SLC9A8: variants seen among roughly 807,000 people sequenced by gnomAD.
SLC9A8 encodes solute carrier family 9 member A8.
A neutral mutation model predicts 66.6 loss-of-function variants in SLC9A8; 48 were observed. The ratio of observed to expected loss-of-function variants is 0.72; its 90% CI spans 0.57 to 0.92. The LOEUF (loss-of-function observed/expected upper bound fraction) is 0.92, where lower values mean the gene tolerates loss of function less well. Ranked by LOEUF, SLC9A8 falls within the 40% of genes least tolerant of loss-of-function variation. The pLI is 0.00. For missense variants in SLC9A8, 599 were observed against 747.3 expected (o/e 0.80, Z 2.31); for synonymous variants, 274 against 282.6 (o/e 0.97, Z 0.31).
chr20:49,874,312 G>T (rs750802725), intron 10 of SLC9A8, among the ~76,000 whole-genome samples: 5 of 152,114 alleles, frequency 3.3e-5, no homozygotes, highest in Non-Finnish European at 5.9e-5. Flanking sequence ...ATAGCCACAG[G>T]TTCCACATCT....
intron 8 of SLC9A8, among the ~76,000 whole-genome samples, chr20:49,857,925 C>A (rs2088570470): frequency 6.6e-6 from 1 of 152,110 alleles, no homozygotes; most frequent in African/African-American, 2.4e-5. Context: ...AAAAAACAAC[C>A]AAACTTATAA....
At chr20:49,839,650 C>G in intron 4 of SLC9A8, 51 bp downstream of exon 4, 5 of 1,217,036 alleles carry the variant, frequency 4.1e-6, no homozygotes, top group Non-Finnish European at 5.9e-6. Context: ...GATCATTATG[C>G]TGGCTTTTTT....
In SLC9A8 at chr20:49,888,007, G is replaced by T; in HGVS notation, c.*71G>T. 8.2e-7 allele frequency: 1 copy of T among 1,219,364 alleles called. No individual in the cohort carries two copies. The allele number at this position is 1,219,364 out of a possible 1,614,324, so 75.5% of individuals were successfully genotyped here. A position where few individuals can be genotyped will look rare whatever the true frequency, so the allele number is the denominator to read the frequency against. On this transcript the variant is annotated 3_prime_UTR_variant, in exon 16 of 16. Transcript: ENST00000361573. ...TGCTGCGCACAGACACTCAGCAGGG[G>T]CCTCGCAGAGATGCGTGCATCCAGC... is the stretch of plus-strand genomic sequence containing the variant.
intron 2 of SLC9A8, among the ~76,000 whole-genome samples, chr20:49,816,908 T>G (rs1296954872): frequency 6.6e-6 from 1 of 151,872 alleles, no homozygotes; most frequent in Non-Finnish European, 1.5e-5. Context: ...TTTTGTATTT[T>G]TAGTAGAGTT....
chr20:49,833,022 C>T (rs1177832956), intron 3 of SLC9A8, among the ~76,000 whole-genome samples: 1 of 152,100 alleles, frequency 6.6e-6, no homozygotes, highest in Non-Finnish European at 1.5e-5. Context: ...TCTCCCACCT[C>T]AGCCTCCCAA....
intron 7 of SLC9A8, 21 bp from the exon 8 acceptor site, chr20:49,855,417 C>T (rs373159401): frequency 6.2e-7 from 1 of 1,611,940 alleles, no homozygotes; most frequent in African/African-American, 1.3e-5. Flanking sequence ...CAGAATCTCC[C>T]CTTCCCTCTG....
chr20:49,873,157 T>C (rs2089279363), intron 10 of SLC9A8, among the ~76,000 whole-genome samples: 1 of 152,054 alleles, frequency 6.6e-6, no homozygotes, highest in African/African-American at 2.4e-5. Context: ...AAATTCAAAG[T>C]TAAGGAAAAG....
intron 4 of SLC9A8, 107 bp downstream of exon 4, chr20:49,839,706 A>G (rs1423907352): frequency 5.1e-6 from 3 of 587,822 alleles, no homozygotes; most frequent in Admixed American, 6.5e-5. Flanking sequence ...ATTATGTTAT[A>G]TATCCCATTA....
chr20:49,841,067 G>A (rs2087737022), intron 4 of SLC9A8, among the ~76,000 whole-genome samples: 1 of 152,156 alleles, frequency 6.6e-6, no homozygotes, highest in Admixed American at 6.5e-5. Context: ...AATTTTGAGA[G>A]GCTGAGTCAC....
chr20:49,865,947 C>A (rs1555841381), intron 10 of SLC9A8, among the ~76,000 whole-genome samples: 1 of 152,180 alleles, frequency 6.6e-6, no homozygotes, highest in Non-Finnish European at 1.5e-5. Context: ...CAGAGATTTT[C>A]TTTTTTATTA....
At chr20:49,831,786 GAA>G (rs950738463) in intron 3 of SLC9A8, among the ~76,000 whole-genome samples, 1 of 152,222 alleles carries the variant, frequency 6.6e-6, no homozygotes, top group African/African-American at 2.4e-5. Context: ...TTTGTGAACT[GAA>G]AAGAGACTGG....
rs2089948547 is a variant in SLC9A8, at chr20:49,887,896, G to A, written c.1706G>A (p.Gly569Asp). Residue 569 changes from glycine (G) to aspartate (D), a missense_variant, in exon 16 of 16, where the codon GGC becomes GAC. Gly to Asp is a moderately conservative substitution (Grantham distance 94). This residue lies in a region of SLC9A8 where 467 missense variants were observed against 626.5 expected (regional missense o/e 0.75). Coordinates refer to ENST00000361573, the MANE Select transcript of SLC9A8 (RefSeq NM_015266.3). ...TNKWYEEVRQ[G>D]PSGSEDDEQE... is the part of the protein sequence containing the mutation. Reference sequence around the variant, plus strand: ...AAGTGGTACGAGGAGGTACGCCAGGGCCCCTCCGGCTCCGAGGACGACGAG... The same window carrying A: ...AAGTGGTACGAGGAGGTACGCCAGGACCCCTCCGGCTCCGAGGACGACGAG... The A allele has an allele frequency of 6.2e-7, 1 of 1,613,826 alleles. No individual in the cohort carries two copies. The highest frequency in any genetic ancestry group is 8.5e-7 in the Non-Finnish European group (1 of 1,179,886).
At chr20:49,848,681 C>T (rs2088114985) in intron 5 of SLC9A8, among the ~76,000 whole-genome samples, 1 of 152,100 alleles carries the variant, frequency 6.6e-6, no homozygotes, top group Non-Finnish European at 1.5e-5. Context: ...ATCTTAAACG[C>T]TGTGAAGTAT....
intron 7 of SLC9A8, among the ~76,000 whole-genome samples, chr20:49,854,023 CT>C (rs920743974): frequency 1.3e-5 from 2 of 152,222 alleles, no homozygotes; most frequent in African/African-American, 4.8e-5. Flanking sequence ...CCTTTTCCCC[CT>C]AGACCCAGGC....
At chr20:49,882,365 C>T (rs1270968051) in intron 13 of SLC9A8, among the ~76,000 whole-genome samples, 1 of 152,234 alleles carries the variant, frequency 6.6e-6, no homozygotes, top group African/African-American at 2.4e-5. Flanking sequence ...TTCCCACTGC[C>T]CCTACCTTCT....
At chr20:49,846,856 G>A (rs1042567496) in intron 5 of SLC9A8, among the ~76,000 whole-genome samples, 7 of 152,184 alleles carry the variant, frequency 4.6e-5, no homozygotes, top group African/African-American at 7.2e-5. Flanking sequence ...TCGGGAGGTG[G>A]AGCTTGCAGT....
At chr20:49,874,280 G>A (rs1600789748) in intron 10 of SLC9A8, among the ~76,000 whole-genome samples, 1 of 152,028 alleles carries the variant, frequency 6.6e-6, no homozygotes, top group Admixed American at 6.6e-5. Context: ...AAAGGGTGGG[G>A]GGGTAGTGCA....
intron 3 of SLC9A8, chr20:49,830,845 A>T: frequency 6.9e-7 from 1 of 1,441,556 alleles, no homozygotes; most frequent in Non-Finnish European, 9.7e-7. Context: ...GACATCCTCA[A>T]TCAGGGACAG....
intron 11 of SLC9A8, among the ~76,000 whole-genome samples, chr20:49,877,362 G>A (rs1481522521): frequency 6.6e-6 from 1 of 152,082 alleles, no homozygotes; most frequent in South Asian, 2.1e-4. Context: ...CACAGTTTAA[G>A]CAGAGAGCCT....
Sources: gnomAD v4.1 joint callset for allele counts (sites outside exome capture counted in the v4.1 genomes callset) on GRCh38, gnomAD v4.1.1 for gene constraint, gnomAD v4.1.1 regional missense constraint, MANE v1.5 for transcripts, NCBI Gene and HGNC (gene_info 2026-07-23, HGNC 2026-07-21) for gene names.